Variants in ARHGEF12 observed in about 807,000 individuals in gnomAD.
ARHGEF12 encodes the protein Rho guanine nucleotide exchange factor 12, also known as KMT2A/ARHGEF12 fusion protein.
A neutral mutation model predicts 211.2 loss-of-function variants in ARHGEF12; 66 were observed. That is an observed-to-expected ratio of 0.31 (90% confidence interval 0.26 to 0.38). ARHGEF12 has a LOEUF of 0.38. Ranked by LOEUF, ARHGEF12 falls within the 10% of genes least tolerant of loss-of-function variation. ARHGEF12 has a pLI of 1.00. For missense variants in ARHGEF12, 1,429 were observed against 1,869.5 expected, an observed-to-expected ratio of 0.76 and a Z score of 4.34; for synonymous variants, 592 against 638.4, an observed-to-expected ratio of 0.93 and a Z score of 1.09.
At chr11:120,350,044 C>T (rs972431841) in intron 1 of ARHGEF12, among the ~76,000 whole-genome samples, 86 of 152,240 alleles carry the variant, frequency 5.6e-4, no homozygotes, top group African/African-American at 1.9e-3. Context: ...AGAATTTGTC[C>T]AGTTCTGTAT....
At chr11:120,398,769 C>T (rs1944463965) in intron 1 of ARHGEF12, among the ~76,000 whole-genome samples, 1 of 152,078 alleles carries the variant, frequency 6.6e-6, no homozygotes, top group Non-Finnish European at 1.5e-5. Context: ...GAAGAAAATG[C>T]TTTCTATTAA....
intron 1 of ARHGEF12, among the ~76,000 whole-genome samples, chr11:120,381,026 T>C (rs1174229297): frequency 6.6e-6 from 1 of 152,230 alleles, no homozygotes; most frequent in Admixed American, 6.5e-5. Flanking sequence ...CAGGCTCATC[T>C]TGTATTTTCT....
At chr11:120,420,336 A>G (rs1945148678) in intron 4 of ARHGEF12, among the ~76,000 whole-genome samples, 1 of 152,066 alleles carries the variant, frequency 6.6e-6, no homozygotes. Flanking sequence ...TCCTAGCCCC[A>G]TGTCCTAAGA....
intron 1 of ARHGEF12, among the ~76,000 whole-genome samples, chr11:120,347,176 C>T (rs796501943): frequency 2.0e-4 from 17 of 83,732 alleles, no homozygotes; most frequent in African/African-American, 4.5e-4. Context: ...TCCTTCCTTC[C>T]TTCCTTCCTT....
rs537836321 is a variant in ARHGEF12 at position 120,360,384 on chromosome 11, C to T, written c.32+23109C>T. On this transcript the variant is annotated intron_variant, in intron 1 of 40. Coordinates refer to ENST00000397843, the MANE Select transcript of ARHGEF12 (RefSeq NM_015313.3). ...TACTAAACATTTTTCTTTAATATTACTCTTTATTATTTTATTTATTTATTT... is the reference window on the plus strand; with the variant it reads ...TACTAAACATTTTTCTTTAATATTATTCTTTATTATTTTATTTATTTATTT... Among the ~76,000 whole-genome samples the T allele has an allele frequency of 3.3e-5, 5 of 152,068 alleles. No individual in the cohort carries two copies. The East Asian group carries it at 9.6e-4, about 29-fold the overall frequency.
chr11:120,408,362 G>A (rs548576596), intron 3 of ARHGEF12: 1 of 152,130 alleles, frequency 6.6e-6, no homozygotes, highest in African/African-American at 2.4e-5. Context: ...AAGCAGTGTC[G>A]ATCTTTCCTA....
chr11:120,428,414 A>G (rs1945418408), intron 8 of ARHGEF12, among the ~76,000 whole-genome samples, 167 bp downstream of exon 8: 1 of 152,236 alleles, frequency 6.6e-6, no homozygotes, highest in Non-Finnish European at 1.5e-5. Flanking sequence ...GAATATTGTC[A>G]TAGCAGATTT....
intron 1 of ARHGEF12, among the ~76,000 whole-genome samples, chr11:120,353,577 A>G (rs943055785): frequency 3.9e-5 from 6 of 152,160 alleles, no homozygotes; most frequent in East Asian, 1.9e-4. Context: ...AGTCTTTGCT[A>G]TGAGCCCTCC....
chr11:120,395,781 A>G (rs746526427), intron 1 of ARHGEF12, among the ~76,000 whole-genome samples: 15 of 152,060 alleles, frequency 9.9e-5, no homozygotes, highest in African/African-American at 1.9e-4. Context: ...TCATGATTCA[A>G]TTACCTCCCA....
intron 1 of ARHGEF12, among the ~76,000 whole-genome samples, chr11:120,387,819 T>C (rs1944085515): frequency 6.6e-6 from 1 of 152,172 alleles, no homozygotes; most frequent in South Asian, 2.1e-4. Flanking sequence ...GTAGAAAATA[T>C]TCAGACCATT....
intron 1 of ARHGEF12, among the ~76,000 whole-genome samples, chr11:120,377,564 A>G (rs758022237): frequency 6.6e-6 from 1 of 152,034 alleles, no homozygotes; most frequent in East Asian, 1.9e-4. Context: ...GCTGGCCTCA[A>G]ACTCCTGGGC....
intron 1 of ARHGEF12, among the ~76,000 whole-genome samples, chr11:120,351,931 CAT>C (rs2135311809): frequency 6.6e-6 from 1 of 152,232 alleles, no homozygotes; most frequent in South Asian, 2.1e-4. Context: ...CCCAAGCTGA[CAT>C]AGTTTCTAAA....
chr11:120,472,660 A>ATT (rs558512294), intron 30 of ARHGEF12, among the ~76,000 whole-genome samples: 2 of 146,080 alleles, frequency 1.4e-5, no homozygotes, highest in East Asian at 2.0e-4. Context: ...TAAAATGGAG[A>ATT]TTTTTTTTTT....
At chr11:120,450,394 G>C (rs940045503) in intron 21 of ARHGEF12, 2 of 89,828 alleles carry the variant, frequency 2.2e-5, no homozygotes, top group Non-Finnish European at 4.8e-5. Context: ...AAAAAAAAAA[G>C]ATATTGGCAT....
intron 11 of ARHGEF12, among the ~76,000 whole-genome samples, chr11:120,436,268 A>G (rs1945690217): frequency 6.6e-6 from 1 of 152,124 alleles, no homozygotes. Context: ...AATCTTTTAT[A>G]TATCTTGTCC....
At chr11:120,358,827 A>G (rs1943201510) in intron 1 of ARHGEF12, among the ~76,000 whole-genome samples, 3 of 152,210 alleles carry the variant, frequency 2.0e-5, no homozygotes, top group Non-Finnish European at 4.4e-5. Flanking sequence ...TCGGTGAGCA[A>G]CTTTGCTGGG....
At chr11:120,350,551 G>A (rs1334993501) in intron 1 of ARHGEF12, among the ~76,000 whole-genome samples, 1 of 151,784 alleles carries the variant, frequency 6.6e-6, no homozygotes. Context: ...GTGTATTTGG[G>A]GGAAGTTGTA....
At chr11:120,407,253 T>G (rs1944732066) in intron 2 of ARHGEF12, among the ~76,000 whole-genome samples, 1 of 152,220 alleles carries the variant, frequency 6.6e-6, no homozygotes, top group Non-Finnish European at 1.5e-5. Context: ...TGGCTAAGAC[T>G]TCTGTGGCTA....
chr11:120,484,979 C>A, intron 40 of ARHGEF12, 88 bp from the exon 41 acceptor site: 1 of 1,392,324 alleles, frequency 7.2e-7, no homozygotes, highest in Non-Finnish European at 1.0e-6. Context: ...AAAGATTGAA[C>A]CACGCCCACA....
Sources: allele counts gnomAD v4.1 joint callset (sites outside exome capture counted in the v4.1 genomes callset), GRCh38; gene constraint gnomAD v4.1.1; transcripts MANE v1.5; gene names NCBI Gene and HGNC (gene_info 2026-07-23, HGNC 2026-07-21).